PDS5A: variants seen among roughly 807,000 people sequenced by gnomAD.
PDS5A encodes the protein sister chromatid cohesion protein PDS5 homolog A.
Under a neutral mutation model 167.1 loss-of-function variants are expected in PDS5A, and 42 were observed. That is an observed-to-expected ratio of 0.25 (90% CI 0.20 to 0.33). PDS5A has a LOEUF of 0.33. Among genes scored for constraint, PDS5A ranks in the 10% least tolerant of loss-of-function variants. The pLI, the probability that PDS5A is intolerant of heterozygous loss-of-function variation, is 1.00. For missense variants in PDS5A, 1,033 were observed against 1,605.9 expected (o/e 0.64, Z 6.10); for synonymous variants, 553 against 554.6 (o/e 1.00, Z 0.04).
At position 39,872,172 on chromosome 4, in the gene PDS5A, CTT is replaced by C. The variant is rs35032799; in HGVS notation, c.2436+812_2436+813del. Among the ~76,000 whole-genome samples the C allele has an allele frequency of 7.5e-3, 717 of 95,498 alleles. 6 individuals carry two copies. The highest frequency in any genetic ancestry group is 0.061 in the East Asian group (197 of 3,222). 62.7% of individuals were successfully genotyped at this position (95,498 alleles called of 152,430 possible). A position where few individuals can be genotyped will look rare whatever the true frequency, so the allele number is the denominator to read the frequency against. On this transcript the variant is annotated intron_variant, in intron 21 of 32. Coordinates refer to ENST00000303538, the MANE Select transcript of PDS5A (RefSeq NM_001100399.2). ...AATTAGTCAAATTCAAGTCCACTTA[CTT>C]TTTTTTTTTTTTTTTTTTTGAGACA...
chr4:39,852,019 T>TA (rs1162951308), intron 26 of PDS5A, among the ~76,000 whole-genome samples: 1 of 152,180 alleles, frequency 6.6e-6, no homozygotes, highest in Non-Finnish European at 1.5e-5. Context: ...ATACATAAAA[T>TA]ACTTGAATGT....
chr4:39,823,643 T>G lies in PDS5A; in HGVS notation c.*1842A>C, dbSNP rs561173218. The stretch of plus-strand genomic sequence containing the variant: ...GCTTGAGGGACTTCTCTGATACTTA[T>G]GCATAGATACTCTTTTTCAGCATGT... On this transcript the variant is annotated 3_prime_UTR_variant, in exon 33 of 33. Transcript: ENST00000303538. 6.6e-6 allele frequency: 1 copy of G among 152,614 alleles called. No individual in the cohort carries two copies. Among genetic ancestry groups the G allele is most frequent in the Non-Finnish European group, 1.5e-5 (1 of 68,024 alleles). 9.5% of individuals were successfully genotyped at this position (152,614 alleles called of 1,614,324 possible). A position where few individuals can be genotyped will look rare whatever the true frequency, so the allele number is the denominator to read the frequency against.
chr4:39,871,824 C>A (rs1184300196), intron 21 of PDS5A, among the ~76,000 whole-genome samples: 1 of 152,086 alleles, frequency 6.6e-6, no homozygotes, highest in African/African-American at 2.4e-5. Flanking sequence ...CTGCCTCAGC[C>A]TCCCGAATAG....
At chr4:39,955,393 G>A (rs193215284) in intron 2 of PDS5A, among the ~76,000 whole-genome samples, 425 of 152,174 alleles carry the variant, frequency 2.8e-3, no homozygotes, top group African/African-American at 9.7e-3. Flanking sequence ...CCTGAAATCA[G>A]GAGTTCGAGA....
chr4:39,838,004 G>A lies in PDS5A; in HGVS notation c.3862C>T (p.Leu1288=). ...CTTCCCTTGTTAATAGGTTTATTTA[G>A]ATCATCATTTTTGGTAGCATTGCCC... ...SQGNATKNDD[L]NKPINKGRKR... is the part of the protein sequence containing the mutation. The change falls in exon 32 of 33, where the codon CTA becomes TTA. Residue 1288 remains leucine (L), a synonymous_variant. Coordinates refer to ENST00000303538, the MANE Select transcript of PDS5A (RefSeq NM_001100399.2). 6.2e-7 allele frequency: 1 copy of A among 1,613,954 alleles called. No individual in the cohort carries two copies. Among genetic ancestry groups the A allele is most frequent in the Non-Finnish European group, 8.5e-7 (1 of 1,179,894 alleles).
At chr4:39,859,926 A>G (rs1362590588) in intron 26 of PDS5A, among the ~76,000 whole-genome samples, 2 of 152,152 alleles carry the variant, frequency 1.3e-5, no homozygotes, top group Admixed American at 6.5e-5. Flanking sequence ...TGAAGCTACT[A>G]TGGAAAACAG....
intron 2 of PDS5A, among the ~76,000 whole-genome samples, chr4:39,954,612 T>C (rs903263757): frequency 2.8e-5 from 4 of 143,402 alleles, no homozygotes; most frequent in African/African-American, 1.0e-4. Context: ...TTAGCCACCG[T>C]GCCCAGCCTG....
At chr4:39,904,223 G>C (rs1560469454) in intron 11 of PDS5A, 32 bp from the exon 12 acceptor site, 13 of 1,543,894 alleles carry the variant, frequency 8.4e-6, no homozygotes, top group Non-Finnish European at 1.1e-5. Context: ...AGATGAGCAA[G>C]ATAACAAAAC....
intron 17 of PDS5A, among the ~76,000 whole-genome samples, chr4:39,884,121 G>C (rs1346761633): frequency 1.3e-5 from 2 of 151,460 alleles, no homozygotes; most frequent in African/African-American, 4.9e-5. Flanking sequence ...TAGGGACGGG[G>C]TTTCACCATG....
At position 39,844,772 on chromosome 4, in the gene PDS5A, T is replaced by C. The variant is rs183014985; in HGVS notation, c.3432A>G (p.Val1144=). Residue 1144 remains valine (V), a synonymous_variant, in exon 30 of 33, where the codon GTA becomes GTG. Transcript: ENST00000303538. The stretch of plus-strand genomic sequence containing the variant: ...TTCCCGTTGCTGATAAAGGCTTATT[T>C]ACTGCACCTAGTACTCCAGCAGGCT... The part of the protein sequence containing the change: ...KPKPAGVLGA[V]NKPLSATGRK... The C allele has an allele frequency of 2.3e-4, 364 of 1,612,500 alleles. 1 individual carries two copies. The Admixed American group carries it at 2.6e-3, about 11-fold the overall frequency.
At chr4:39,931,631 T>C (rs1726073741) in intron 2 of PDS5A, among the ~76,000 whole-genome samples, 1 of 152,206 alleles carries the variant, frequency 6.6e-6, no homozygotes, top group Non-Finnish European at 1.5e-5. Context: ...GGTTTTCCCC[T>C]GGTGCAAGAT....
At chr4:39,943,907 G>C (rs1037887741) in intron 2 of PDS5A, among the ~76,000 whole-genome samples, 1 of 152,062 alleles carries the variant, frequency 6.6e-6, no homozygotes, top group African/African-American at 2.4e-5. Flanking sequence ...GCCGGGTGTG[G>C]TGGCTCATGC....
At chr4:39,871,346 G>A (rs1720012388) in intron 21 of PDS5A, among the ~76,000 whole-genome samples, 1 of 152,168 alleles carries the variant, frequency 6.6e-6, no homozygotes. Context: ...CATCATTTAA[G>A]AGGTATCTTA....
chr4:39,867,572 TAGTC>T (rs945388133), intron 22 of PDS5A, among the ~76,000 whole-genome samples: 6 of 141,932 alleles, frequency 4.2e-5, no homozygotes, highest in African/African-American at 7.8e-5. Flanking sequence ...AAAAAAAAAT[TAGTC>T]AGGCATGGTG....
chr4:39,937,161 T>C (rs139153295), intron 2 of PDS5A, among the ~76,000 whole-genome samples: 6 of 152,054 alleles, frequency 3.9e-5, no homozygotes, highest in African/African-American at 1.4e-4. Context: ...GCCTCCCTCT[T>C]CTCCTGGGAG....
At chr4:39,825,559 C>A in intron 32 of PDS5A, 71 bp from the exon 33 acceptor site, 29 of 1,023,160 alleles carry the variant, frequency 2.8e-5, no homozygotes, top group Non-Finnish European at 3.7e-5. Context: ...AAAATGATTT[C>A]ATTTCCATAG....
At chr4:39,963,498 T>C (rs1729693218) in intron 2 of PDS5A, among the ~76,000 whole-genome samples, 1 of 151,766 alleles carries the variant, frequency 6.6e-6, no homozygotes, top group Non-Finnish European at 1.5e-5. Context: ...CCTGTAATCC[T>C]AGCCACTCTC....
intron 32 of PDS5A, among the ~76,000 whole-genome samples, chr4:39,833,432 G>C (rs1355566421): frequency 6.6e-6 from 1 of 151,994 alleles, no homozygotes; most frequent in Non-Finnish European, 1.5e-5. Context: ...CCCAGGCTAG[G>C]GTGCAGTGAG....
intron 2 of PDS5A, among the ~76,000 whole-genome samples, chr4:39,955,669 G>C (rs1466629543): frequency 6.6e-6 from 1 of 152,084 alleles, no homozygotes; most frequent in African/African-American, 2.4e-5. Flanking sequence ...ATTACTGTGG[G>C]AGGCATGTGT....
Sources: allele counts gnomAD v4.1 joint callset (sites outside exome capture counted in the v4.1 genomes callset), GRCh38; gene constraint gnomAD v4.1.1; transcripts MANE v1.5; gene names NCBI Gene and HGNC (gene_info 2026-07-23, HGNC 2026-07-21).